Variants in ABCC4 observed in about 807,000 individuals in gnomAD.
ABCC4 encodes the protein ATP binding cassette subfamily C member 4 (PEL blood group), also known as ATP-binding cassette sub-family C member 4.
Under a neutral mutation model 168.5 loss-of-function variants are expected in ABCC4, and 102 were observed. The observed-to-expected ratio is 0.61, with a 90% CI of 0.52 to 0.71. The LOEUF (loss-of-function observed/expected upper bound fraction) is 0.71. Among genes scored for constraint, ABCC4 ranks in the 30% least tolerant of loss-of-function variants. The pLI is 0.00. For synonymous variants in ABCC4, 617 were observed against 590.7 expected (o/e 1.04, Z -0.65); for missense variants, 1,402 against 1,605.8 (o/e 0.87, Z 2.17).
intron 25 of ABCC4, among the ~76,000 whole-genome samples, chr13:95,063,167 C>T (rs933900699): frequency 2.0e-5 from 3 of 152,188 alleles, no homozygotes; most frequent in Non-Finnish European, 4.4e-5. Flanking sequence ...TGGGGCAAAA[C>T]TGCCCCTGGT....
At chr13:95,178,119 A>G (rs777578836) in intron 11 of ABCC4, 28 bp from the exon 12 acceptor site, 25 of 1,579,914 alleles carry the variant, frequency 1.6e-5, no homozygotes, top group South Asian at 3.3e-5. Context: ...AGAAGGGGGG[A>G]AAAAGAGACT....
At position 95,089,347 on chromosome 13, in the gene ABCC4, C is replaced by T. The variant is rs535596553; in HGVS notation, c.2536-6057G>A. Among the ~76,000 whole-genome samples the T allele has an allele frequency of 1.1e-4, 16 of 152,258 alleles. No individual in the cohort carries two copies. The South Asian group carries it at 1.5e-3, about 14-fold the overall frequency. On this transcript the variant is annotated intron_variant, in intron 20 of 30. Transcript: ENST00000645237. Reference sequence around the variant, plus strand: ...GTGTTAAGAACACTAAGTCCGGGCCCGGTGACTCACACCTGTAATCCCAGC... The same window carrying T: ...GTGTTAAGAACACTAAGTCCGGGCCTGGTGACTCACACCTGTAATCCCAGC...
At chr13:95,089,486 C>T (rs963490641) in intron 20 of ABCC4, among the ~76,000 whole-genome samples, 15 of 152,108 alleles carry the variant, frequency 9.9e-5, no homozygotes, top group Non-Finnish European at 1.8e-4. Flanking sequence ...GGCGTGGTCA[C>T]GGGCACCTGT....
intron 1 of ABCC4, among the ~76,000 whole-genome samples, chr13:95,264,753 G>C (rs1429412047): frequency 6.6e-6 from 1 of 151,914 alleles, no homozygotes; most frequent in Non-Finnish European, 1.5e-5. Context: ...GGAGTTTGAA[G>C]ATAAATTTCT....
intron 4 of ABCC4, among the ~76,000 whole-genome samples, chr13:95,217,119 A>C (rs1229531037): frequency 6.6e-6 from 1 of 152,250 alleles, no homozygotes; most frequent in Non-Finnish European, 1.5e-5. Flanking sequence ...TACTGAAGGC[A>C]GGCAAGGAAA....
intron 19 of ABCC4, among the ~76,000 whole-genome samples, chr13:95,119,442 G>C (rs775615268): frequency 3.9e-5 from 6 of 152,206 alleles, no homozygotes; most frequent in Non-Finnish European, 8.8e-5. Flanking sequence ...CTGAGAGAGA[G>C]AGAGAGAGAA....
At chr13:95,086,230 T>C (rs1019594058) in intron 20 of ABCC4, among the ~76,000 whole-genome samples, 1 of 152,000 alleles carries the variant, frequency 6.6e-6, no homozygotes, top group Admixed American at 6.6e-5. Context: ...TCTTAAAATA[T>C]TTGCTAATAG....
intron 1 of ABCC4, among the ~76,000 whole-genome samples, chr13:95,259,035 G>A (rs975220236): frequency 2.6e-5 from 4 of 152,088 alleles, no homozygotes; most frequent in African/African-American, 9.7e-5. Flanking sequence ...AGCAGGAGCT[G>A]GGTGCAGGGA....
Position 95,058,594 on chromosome 13 carries a change from A to AAAAAAAAAAAAAAAAAAAAAAAAAG in ABCC4, c.3366+4109_3366+4110insCTTTTTTTTTTTTTTTTTTTTTTTT, listed in dbSNP as rs2033163283. On this transcript the variant is annotated intron_variant, in intron 26 of 30. Transcript: ENST00000645237. ...AAAAAAAAAAAAAAAAAAAAAAAAG[A>AAAAAAAAAAAAAAAAAAAAAAAAAG]AAAGAAAAAGAAAAAGAAAAGAAAA... Among the ~76,000 whole-genome samples, 29 of 41,396 alleles carry AAAAAAAAAAAAAAAAAAAAAAAAAG rather than the reference A, an allele frequency of 7.0e-4. 3 individuals are homozygous for AAAAAAAAAAAAAAAAAAAAAAAAAG. Among genetic ancestry groups the AAAAAAAAAAAAAAAAAAAAAAAAAG allele is most frequent in the East Asian group, 1.6e-3 (2 of 1,256 alleles). The allele number at this position is 41,396 out of a possible 152,430, so 27.2% of individuals were successfully genotyped here.
chr13:95,063,647 C>A (rs1594034411), intron 25 of ABCC4, among the ~76,000 whole-genome samples: 1 of 152,182 alleles, frequency 6.6e-6, no homozygotes, highest in Non-Finnish European at 1.5e-5. Context: ...CTTACAATTG[C>A]CCCTTGAGAA....
intron 20 of ABCC4, among the ~76,000 whole-genome samples, chr13:95,089,074 A>G (rs906343765): frequency 6.6e-6 from 1 of 152,158 alleles, no homozygotes; most frequent in African/African-American, 2.4e-5. Flanking sequence ...TAAATTAAAA[A>G]TTTTGATGCA....
chr13:95,127,097 A>G (rs1221883719), intron 19 of ABCC4, among the ~76,000 whole-genome samples: 5 of 151,764 alleles, frequency 3.3e-5, no homozygotes, highest in Non-Finnish European at 5.9e-5. Flanking sequence ...CACCTATCCA[A>G]ACGCCCCACA....
chr13:95,288,714 G>C (rs2041320947), intron 1 of ABCC4, among the ~76,000 whole-genome samples: 2 of 152,020 alleles, frequency 1.3e-5, no homozygotes, highest in African/African-American at 4.8e-5. Flanking sequence ...GCTGAGGCAG[G>C]AGAACTGCTT....
At chr13:95,054,510 T>C (rs1203329409) in intron 26 of ABCC4, among the ~76,000 whole-genome samples, 2 of 151,476 alleles carry the variant, frequency 1.3e-5, no homozygotes, top group Non-Finnish European at 2.9e-5. Context: ...ATTCCGTCAC[T>C]GCACTCCAGC....
intron 13 of ABCC4, among the ~76,000 whole-genome samples, chr13:95,175,937 C>T (rs1431697391): frequency 6.6e-6 from 1 of 152,104 alleles, no homozygotes; most frequent in Admixed American, 6.5e-5. Context: ...CTTCTCTATC[C>T]CCCACCACAG....
intron 1 of ABCC4, among the ~76,000 whole-genome samples, chr13:95,254,563 G>A (rs9524865): frequency 0.056 from 8,452 of 152,144 alleles, 359 homozygotes; most frequent in Non-Finnish European, 0.086. Context: ...GTTATCAGCC[G>A]TCACATCTTT....
intron 20 of ABCC4, among the ~76,000 whole-genome samples, chr13:95,103,655 G>A (rs1460048106): frequency 2.0e-5 from 3 of 152,132 alleles, no homozygotes; most frequent in Admixed American, 2.0e-4. Context: ...TTCTGACCTG[G>A]ATGTCCTAAA....
chr13:95,074,379 T>C (rs768260318), intron 22 of ABCC4, 55 bp from the exon 23 acceptor site: 26 of 1,429,130 alleles, frequency 1.8e-5, no homozygotes, highest in Non-Finnish European at 2.5e-5. Flanking sequence ...TGTGCGAGTG[T>C]GTTTTGCTCA....
At chr13:95,297,273 A>AAAAG (rs2041560065) in intron 1 of ABCC4, among the ~76,000 whole-genome samples, 1 of 151,726 alleles carries the variant, frequency 6.6e-6, no homozygotes, top group African/African-American at 2.4e-5. Flanking sequence ...TCTCATAAAA[A>AAAAG]AAAAAAAGAA....
Sources: allele counts gnomAD v4.1 joint callset (sites outside exome capture counted in the v4.1 genomes callset), GRCh38; gene constraint gnomAD v4.1.1; transcripts MANE v1.5; gene names NCBI Gene and HGNC (gene_info 2026-07-23, HGNC 2026-07-21).